ATP2B2: variants seen among roughly 807,000 people sequenced by gnomAD.
ATP2B2 encodes the protein ATPase plasma membrane Ca2+ transporting 2, also known as plasma membrane calcium-transporting ATPase 2.
ATP2B2 carries 15 observed loss-of-function variants against 120.0 expected under a neutral mutation model. The ratio of observed to expected loss-of-function variants is 0.12; its 90% CI spans 0.08 to 0.19. The LOEUF (loss-of-function observed/expected upper bound fraction) is 0.19. Ranked by LOEUF, ATP2B2 falls within the 10% of genes least tolerant of loss-of-function variation. The probability of loss-of-function intolerance (pLI) is 1.00; values close to 1 mark genes in which losing one functional copy is unlikely to be tolerated. For missense variants in ATP2B2, 1,045 were observed against 1,719.8 expected (o/e 0.61, Z 6.94); for synonymous variants, 694 against 700.3 (o/e 0.99, Z 0.14).
chr3:10,664,977 C>T (rs1189653610), intron 1 of ATP2B2, among the ~76,000 whole-genome samples: 1 of 152,144 alleles, frequency 6.6e-6, no homozygotes, highest in Non-Finnish European at 1.5e-5. Flanking sequence ...CCCAGCTGCT[C>T]CTCTTTGTTC....
At chr3:10,565,010 T>A (rs1207244380) in intron 2 of ATP2B2, among the ~76,000 whole-genome samples, 1 of 152,198 alleles carries the variant, frequency 6.6e-6, no homozygotes, top group Non-Finnish European at 1.5e-5. Context: ...TATGTGTCAC[T>A]TCTAGGACTT....
intron 1 of ATP2B2, among the ~76,000 whole-genome samples, chr3:10,624,703 A>C (rs1282108219): frequency 2.0e-5 from 3 of 152,268 alleles, no homozygotes; most frequent in African/African-American, 7.2e-5. Context: ...TGAATGCATG[A>C]ATGAATGAGT....
chr3:10,420,100 G>A (rs774326105), intron 2 of ATP2B2, among the ~76,000 whole-genome samples: 11 of 152,248 alleles, frequency 7.2e-5, no homozygotes, highest in Non-Finnish European at 1.3e-4. Context: ...GGATGTGGCT[G>A]AGTCAGTGTG....
At chr3:10,467,131 G>C (rs1471110409) in intron 1 of ATP2B2, among the ~76,000 whole-genome samples, 1 of 152,226 alleles carries the variant, frequency 6.6e-6, no homozygotes, top group Non-Finnish European at 1.5e-5. Context: ...TGGAGCCCAG[G>C]GGAGGGGCCT....
chr3:10,331,557 TGGACAAGACTGTGG>T (rs2059979021), intron 22 of ATP2B2, among the ~76,000 whole-genome samples: 1 of 151,900 alleles, frequency 6.6e-6, no homozygotes, highest in South Asian at 2.1e-4. Flanking sequence ...TGAACTGCTC[TGGACAAGACTGTGG>T]GGACGAGACT....
Position 10,343,058 on chromosome 3 carries a change from G to A in ATP2B2, c.2704-93C>T. Reference sequence around the variant, plus strand: ...CATGGTGTAGTGTCCGCAGGCTCCTGCTGGAGGCTGGAGTCCGACCTGCCC... The same window carrying A: ...CATGGTGTAGTGTCCGCAGGCTCCTACTGGAGGCTGGAGTCCGACCTGCCC... On this transcript the variant is annotated intron_variant, in intron 18 of 22. Coordinates refer to ENST00000360273, the MANE Select transcript of ATP2B2 (RefSeq NM_001001331.4). This position sits in a 1 kb window ranked among gnomAD's most constrained non-coding sequence, Gnocchi z 4.2. 1 of 1,322,994 alleles carries A rather than the reference G, an allele frequency of 7.6e-7. No individual in the cohort carries two copies. Among genetic ancestry groups the A allele is most frequent in the South Asian group, 1.2e-5 (1 of 80,834 alleles). The allele number at this position is 1,322,994 out of a possible 1,614,324, so 82.0% of individuals were successfully genotyped here. A position where few individuals can be genotyped will look rare whatever the true frequency, so the allele number is the denominator to read the frequency against.
At chr3:10,484,264 T>G (rs1051632324) in intron 1 of ATP2B2, among the ~76,000 whole-genome samples, 1 of 152,074 alleles carries the variant, frequency 6.6e-6, no homozygotes, top group Non-Finnish European at 1.5e-5. Flanking sequence ...GAGAGTGACC[T>G]GAACACCTTG....
In ATP2B2 at chr3:10,387,487, G is replaced by A. The variant is rs558663086; in HGVS notation, c.907+790C>T. 7.2e-5 allele frequency among the ~76,000 whole-genome samples: 11 copies of A among 152,350 alleles called. No homozygotes were observed. The South Asian group carries it at 2.3e-3, about 32-fold the overall frequency. ...TCCTCCCTTTGTGCTTGAGGAAGGA[G>A]ACAAAAGACTGAAAATGTGAAAGGG... On this transcript the variant is annotated intron_variant, in intron 6 of 22. Transcript: ENST00000360273.
intron 5 of ATP2B2, among the ~76,000 whole-genome samples, chr3:10,395,817 T>C (rs778124110): frequency 1.3e-5 from 2 of 152,178 alleles, no homozygotes; most frequent in Non-Finnish European, 2.9e-5. Context: ...TGAGGTCAGA[T>C]TGGGCTGGCG....
At chr3:10,571,994 T>C (rs556805972) in intron 2 of ATP2B2, among the ~76,000 whole-genome samples, 101 of 152,324 alleles carry the variant, frequency 6.6e-4, no homozygotes, top group Non-Finnish European at 1.0e-3. Context: ...GCTTTCTGCT[T>C]GGCCATGTGA....
chr3:10,575,384 AGAG>A (rs2068221647), intron 2 of ATP2B2, among the ~76,000 whole-genome samples: 1 of 152,212 alleles, frequency 6.6e-6, no homozygotes, highest in Admixed American at 6.5e-5. Context: ...ATTATAGAGA[AGAG>A]GTCATTGGGA....
chr3:10,649,134 C>T (rs1392485802), intron 1 of ATP2B2, among the ~76,000 whole-genome samples: 1 of 152,160 alleles, frequency 6.6e-6, no homozygotes, highest in African/African-American at 2.4e-5. Flanking sequence ...GTCTGAAACT[C>T]CTGATTTTAA....
At chr3:10,353,920 T>G (rs146371271) in intron 14 of ATP2B2, among the ~76,000 whole-genome samples, 1 of 152,184 alleles carries the variant, frequency 6.6e-6, no homozygotes, top group Non-Finnish European at 1.5e-5. Flanking sequence ...AGGAACTCTA[T>G]GACAGGGCAC....
At chr3:10,469,667 C>G (rs1384521622) in intron 1 of ATP2B2, among the ~76,000 whole-genome samples, 1 of 152,206 alleles carries the variant, frequency 6.6e-6, no homozygotes, top group Non-Finnish European at 1.5e-5. Flanking sequence ...TCCAGTTTCT[C>G]TCTCTGAGCC....
intron 2 of ATP2B2, among the ~76,000 whole-genome samples, chr3:10,572,533 T>TA (rs1425140202): frequency 6.6e-6 from 1 of 152,160 alleles, no homozygotes; most frequent in Non-Finnish European, 1.5e-5. Flanking sequence ...TTAGCACAAT[T>TA]AAAAAATACC....
intron 1 of ATP2B2, among the ~76,000 whole-genome samples, chr3:10,696,747 C>T (rs779351147): frequency 1.3e-5 from 2 of 152,160 alleles, no homozygotes; most frequent in South Asian, 2.1e-4. Context: ...ACCAACCATC[C>T]CAATCCCTTT....
chr3:10,424,673 C>T (rs565742249), intron 2 of ATP2B2, among the ~76,000 whole-genome samples: 4 of 152,206 alleles, frequency 2.6e-5, no homozygotes, highest in Non-Finnish European at 5.9e-5. Flanking sequence ...GCTAAATAAA[C>T]GGTGGTACAT....
At chr3:10,553,915 C>T (rs1302370822) in intron 2 of ATP2B2, among the ~76,000 whole-genome samples, 1 of 151,596 alleles carries the variant, frequency 6.6e-6, no homozygotes, top group African/African-American at 2.4e-5. Flanking sequence ...TCCCCCAGCT[C>T]CCAAATCCCA....
In ATP2B2 at chr3:10,377,934, C is replaced by T. The variant is rs1320212936; in HGVS notation, c.1201+318G>A. Among the ~76,000 whole-genome samples the T allele has an allele frequency of 2.6e-5, 4 of 152,236 alleles. No homozygotes were observed. In the East Asian group the frequency reaches 5.8e-4, roughly 22 times the overall value. On this transcript the variant is annotated intron_variant, in intron 10 of 22. Coordinates refer to ENST00000360273, the MANE Select transcript of ATP2B2 (RefSeq NM_001001331.4). ...GGGGACAACTATTATCCTCATTTTACAGATGAGGATACAGAGGCTCAGAGC... is the reference window on the plus strand; with the variant it reads ...GGGGACAACTATTATCCTCATTTTATAGATGAGGATACAGAGGCTCAGAGC...
Sources: allele counts gnomAD v4.1 joint callset (sites outside exome capture counted in the v4.1 genomes callset), GRCh38; gene constraint gnomAD v4.1.1; non-coding constraint Gnocchi (gnomAD v3.1); transcripts MANE v1.5; gene names NCBI Gene and HGNC (gene_info 2026-07-23, HGNC 2026-07-21).